Variants in MDGA2 observed in about 807,000 individuals in gnomAD.
MDGA2 encodes the protein MAM domain-containing glycosylphosphatidylinositol anchor protein 2.
In MDGA2, 40 loss-of-function variants were observed where a neutral mutation model predicts 117.8. The ratio of observed to expected loss-of-function variants is 0.34; its 90% CI spans 0.26 to 0.44. MDGA2 has a LOEUF of 0.44. MDGA2 is among the 20% of genes least tolerant of loss of function. MDGA2 has a pLI of 1.00. For missense variants in MDGA2, 1,123 were observed against 1,250.6 expected, an observed-to-expected ratio of 0.90 and a Z score of 1.54; for synonymous variants, 452 against 439.0, an observed-to-expected ratio of 1.03 and a Z score of -0.37.
intron 1 of MDGA2, among the ~76,000 whole-genome samples, chr14:47,331,642 A>T (rs1227798552): frequency 6.6e-6 from 1 of 151,920 alleles, no homozygotes; most frequent in East Asian, 1.9e-4. Flanking sequence ...CTTGTCTGGA[A>T]AGCTACTTAG....
chr14:46,949,325 A>G (rs1032077691), intron 9 of MDGA2, among the ~76,000 whole-genome samples: 1 of 152,006 alleles, frequency 6.6e-6, no homozygotes, highest in African/African-American at 2.4e-5. Flanking sequence ...AATTTGCTCC[A>G]TGCTGTAATT....
chr14:46,860,396 T>C (rs1881462064), intron 14 of MDGA2, among the ~76,000 whole-genome samples: 1 of 152,064 alleles, frequency 6.6e-6, no homozygotes, highest in South Asian at 2.1e-4. Context: ...TAATCGTATA[T>C]TACAGAAATA....
At chr14:46,848,884 C>T (rs1880947851) in intron 15 of MDGA2, among the ~76,000 whole-genome samples, 1 of 151,988 alleles carries the variant, frequency 6.6e-6, no homozygotes, top group Non-Finnish European at 1.5e-5. Flanking sequence ...GTCCAGAGGG[C>T]TTCCTATACT....
At chr14:47,579,959 T>C (rs1015980018) in intron 1 of MDGA2, among the ~76,000 whole-genome samples, 1 of 152,204 alleles carries the variant, frequency 6.6e-6, no homozygotes, top group African/African-American at 2.4e-5. Flanking sequence ...TTACATCTAA[T>C]TTACATAGTA....
At chr14:47,105,180 T>C (rs1284331283) in intron 5 of MDGA2, among the ~76,000 whole-genome samples, 1 of 152,090 alleles carries the variant, frequency 6.6e-6, no homozygotes, top group East Asian at 1.9e-4. Context: ...CCTCAGCCCC[T>C]TCTCCTTCAC....
chr14:47,564,634 G>A (rs548681782), intron 1 of MDGA2, among the ~76,000 whole-genome samples: 1 of 152,146 alleles, frequency 6.6e-6, no homozygotes, highest in African/African-American at 2.4e-5. Context: ...ATTTGGGTGG[G>A]GACACAGAGC....
At chr14:47,392,208 A>C (rs1452956013) in intron 1 of MDGA2, among the ~76,000 whole-genome samples, 1 of 152,186 alleles carries the variant, frequency 6.6e-6, no homozygotes, top group Non-Finnish European at 1.5e-5. Flanking sequence ...GAGGTTGAGG[A>C]AAGGAAAAAG....
chr14:46,912,916 T>TA (rs1298397961), intron 10 of MDGA2, among the ~76,000 whole-genome samples: 3 of 152,182 alleles, frequency 2.0e-5, no homozygotes, highest in Non-Finnish European at 2.9e-5. Flanking sequence ...AAGATGAAGA[T>TA]AAACTTCACT....
chr14:47,485,588 C>T (rs1894043407), intron 1 of MDGA2, among the ~76,000 whole-genome samples: 1 of 152,168 alleles, frequency 6.6e-6, no homozygotes, highest in African/African-American at 2.4e-5. Flanking sequence ...GTCTCCAGGG[C>T]ATGTCACAGG....
intron 7 of MDGA2, among the ~76,000 whole-genome samples, chr14:47,043,998 C>T (rs758721458): frequency 9.2e-5 from 14 of 151,924 alleles, no homozygotes; most frequent in Admixed American, 2.0e-4. Context: ...ACATATGTAA[C>T]GAAAATGTCC....
intron 2 of MDGA2, among the ~76,000 whole-genome samples, chr14:47,225,878 A>G (rs1056824133): frequency 1.3e-5 from 2 of 152,160 alleles, no homozygotes; most frequent in African/African-American, 4.8e-5. Flanking sequence ...TAGTATATCC[A>G]GAATATTAGG....
chr14:47,267,215 ATTC>A (rs753136157), intron 2 of MDGA2, among the ~76,000 whole-genome samples: 3 of 152,094 alleles, frequency 2.0e-5, no homozygotes, highest in Non-Finnish European at 4.4e-5. Context: ...TCAAAATATG[ATTC>A]TTTTTTTGGT....
intron 14 of MDGA2, among the ~76,000 whole-genome samples, chr14:46,864,450 G>C (rs1042715781): frequency 1.4e-5 from 2 of 147,504 alleles, no homozygotes; most frequent in African/African-American, 2.5e-5. Context: ...GGTTTTTATT[G>C]CTTTCTGTAA....
chr14:47,476,657 T>C (rs1335057848), intron 1 of MDGA2, among the ~76,000 whole-genome samples: 2 of 152,144 alleles, frequency 1.3e-5, no homozygotes, highest in Non-Finnish European at 1.5e-5. Flanking sequence ...AGATTATATA[T>C]ATTTAAATTA....
chr14:46,867,365 G>A lies in MDGA2; in HGVS notation c.2752+6068C>T, dbSNP rs1484582709. On this transcript the variant is annotated intron_variant, in intron 14 of 16. Transcript: ENST00000399232. ...AATGAGATCACATGGACACAGCAAG[G>A]GGAACATCACACTCTGGGGACTGTT... Among the ~76,000 whole-genome samples the A allele has an allele frequency of 4.6e-5, 7 of 152,106 alleles. No homozygotes were observed. In the South Asian group the frequency reaches 1.2e-3, roughly 27 times the overall value.
intron 8 of MDGA2, among the ~76,000 whole-genome samples, chr14:46,978,828 T>G (rs948920958): frequency 6.6e-6 from 1 of 152,174 alleles, no homozygotes; most frequent in East Asian, 1.9e-4. Flanking sequence ...TTATGGTAAC[T>G]ACATTTTTCT....
chr14:47,325,216 A>T (rs1030242603), intron 1 of MDGA2, among the ~76,000 whole-genome samples: 1 of 152,174 alleles, frequency 6.6e-6, no homozygotes, highest in Non-Finnish European at 1.5e-5. Context: ...AAACTATGAA[A>T]CTGAAATAGA....
intron 1 of MDGA2, among the ~76,000 whole-genome samples, chr14:47,633,386 A>G (rs1449555369): frequency 6.6e-6 from 1 of 152,188 alleles, no homozygotes; most frequent in Non-Finnish European, 1.5e-5. Flanking sequence ...CAGGCTGTGC[A>G]CTTTTAAAAG....
chr14:47,214,659 A>G (rs1886019061), intron 3 of MDGA2, among the ~76,000 whole-genome samples: 1 of 152,176 alleles, frequency 6.6e-6, no homozygotes, highest in Non-Finnish European at 1.5e-5. Flanking sequence ...ATATCTAAAG[A>G]AAGTCATCTC....
Sources: gnomAD v4.1 joint callset for allele counts (sites outside exome capture counted in the v4.1 genomes callset) on GRCh38, gnomAD v4.1.1 for gene constraint, MANE v1.5 for transcripts, NCBI Gene and HGNC (gene_info 2026-07-23, HGNC 2026-07-21) for gene names.